AGAP1: variants seen among roughly 807,000 people sequenced by gnomAD.
AGAP1 encodes arf-GAP with GTPase, ANK repeat and PH domain-containing protein 1.
Under a neutral mutation model 105.3 loss-of-function variants are expected in AGAP1, and 29 were observed. The observed-to-expected ratio is 0.28, with a 90% confidence interval of 0.21 to 0.38. The LOEUF is 0.38. AGAP1 is among the 10% of genes least tolerant of loss of function. The pLI is 1.00. For synonymous variants in AGAP1, 509 were observed against 485.9 expected (o/e 1.05, Z -0.63); for missense variants, 998 against 1,165.1 (o/e 0.86, Z 2.09).
rs746334101 is a variant in AGAP1, at chr2:236,014,774, C to G, written c.1646-21787C>G. The G allele has an allele frequency of 4.8e-6, 2 of 413,786 alleles. No individual in the cohort carries two copies. The highest frequency in any genetic ancestry group is 9.7e-6 in the Non-Finnish European group (2 of 206,524). The allele number at this position is 413,786 out of a possible 1,614,324, so 25.6% of individuals were successfully genotyped here. ...TTTCCTTTTTGTTTTCTCTCTTTTT[C>G]CCCTCTCCCCTTTCTGCTCTCGGGA... On this transcript the variant is annotated intron_variant, in intron 13 of 17. Transcript: ENST00000304032. This position sits in a 1 kb window ranked among gnomAD's most constrained non-coding sequence, Gnocchi z 6.3.
At chr2:235,589,971 C>G (rs1197232370) in intron 1 of AGAP1, among the ~76,000 whole-genome samples, 1 of 151,998 alleles carries the variant, frequency 6.6e-6, no homozygotes, top group African/African-American at 2.4e-5. Context: ...GCCTCTGCCT[C>G]CCGGGTTCAA....
At position 235,625,466 on chromosome 2, in the gene AGAP1, A is replaced by G. The variant is rs1946608617; in HGVS notation, c.164-83713A>G. Among the ~76,000 whole-genome samples the G allele has an allele frequency of 6.6e-6, 1 of 152,110 alleles. No homozygotes were observed. The highest frequency in any genetic ancestry group is 2.1e-4 in the South Asian group (1 of 4,824). On this transcript the variant is annotated intron_variant, in intron 1 of 17. Transcript: ENST00000304032. This position sits in a 1 kb window ranked among gnomAD's most constrained non-coding sequence, Gnocchi z 4.0. The stretch of plus-strand genomic sequence containing the variant: ...AGAAAGGTGCCTTTCCTTTGGAGGG[A>G]TGGTGGGTTTCAATGGTTTGAAAGA...
intron 1 of AGAP1, among the ~76,000 whole-genome samples, chr2:235,534,456 C>T (rs1310705528): frequency 6.6e-6 from 1 of 152,042 alleles, no homozygotes; most frequent in South Asian, 2.1e-4. Context: ...ATGCAGTGCC[C>T]GAGGATGGGT....
intron 1 of AGAP1, among the ~76,000 whole-genome samples, chr2:235,702,440 C>T (rs1484681988): frequency 1.3e-5 from 2 of 152,188 alleles, no homozygotes; most frequent in Admixed American, 6.5e-5. Flanking sequence ...CAGGCTCCTG[C>T]AGCCTGGGAA....
chr2:235,669,467 A>T (rs1948245416), intron 1 of AGAP1: 2 of 153,172 alleles, frequency 1.3e-5, no homozygotes, highest in South Asian at 3.5e-4. Flanking sequence ...GCGTCGATCC[A>T]TCCCGGCGCT....
chr2:235,654,799 C>A (rs974868888), intron 1 of AGAP1, among the ~76,000 whole-genome samples: 1 of 152,134 alleles, frequency 6.6e-6, no homozygotes, highest in African/African-American at 2.4e-5. Flanking sequence ...CTAGTCTCTG[C>A]TTTATTTTCA....
At chr2:235,997,796 T>C (rs977254994) in intron 13 of AGAP1, among the ~76,000 whole-genome samples, 3 of 152,310 alleles carry the variant, frequency 2.0e-5, no homozygotes, top group Admixed American at 1.3e-4. Flanking sequence ...CTTAATTGTA[T>C]AGTAGCTCAG....
chr2:236,080,730 C>A lies in AGAP1; in HGVS notation c.2114+31449C>A, dbSNP rs1318343965. ...CAAGCTGGGTCTGCATGGTTTCATT[C>A]CTTCTAGAGGCTGTGAGAGAGTCCA... is the stretch of plus-strand genomic sequence containing the variant. On this transcript the variant is annotated intron_variant, in intron 16 of 17. Coordinates refer to ENST00000304032, the MANE Select transcript of AGAP1 (RefSeq NM_001037131.3). The surrounding 1 kb of genome is among the most constrained non-coding windows in gnomAD (Gnocchi z 4.2). Among the ~76,000 whole-genome samples, 1 of 152,132 alleles carries A rather than the reference C, an allele frequency of 6.6e-6. No individual in the cohort carries two copies. Among genetic ancestry groups the A allele is most frequent in the East Asian group, 1.9e-4 (1 of 5,192 alleles).
Position 235,559,282 on chromosome 2 carries a change from G to C in AGAP1, c.163+64433G>C, listed in dbSNP as rs893669387. On this transcript the variant is annotated intron_variant, in intron 1 of 17. Transcript: ENST00000304032. This position sits in a 1 kb window ranked among gnomAD's most constrained non-coding sequence, Gnocchi z 5.7. Reference sequence around the variant, plus strand: ...TAGTCTTTATAAAAATACGATGAAGGGGTGATTTGGGTGTCCCAAGACTGT... The same window carrying C: ...TAGTCTTTATAAAAATACGATGAAGCGGTGATTTGGGTGTCCCAAGACTGT... 1.3e-5 allele frequency among the ~76,000 whole-genome samples: 2 copies of C among 152,020 alleles called. No homozygotes were observed. Among genetic ancestry groups the C allele is most frequent in the Non-Finnish European group, 2.9e-5 (2 of 68,018 alleles).
At chr2:235,795,412 A>C (rs940907106) in intron 6 of AGAP1, among the ~76,000 whole-genome samples, 4 of 152,146 alleles carry the variant, frequency 2.6e-5, no homozygotes, top group Non-Finnish European at 5.9e-5. Context: ...AAGATGGGGG[A>C]GACATGGGCA....
Position 235,908,564 on chromosome 2 carries a change from A to C in AGAP1, c.1156-174A>C, listed in dbSNP as rs2051418029. Among the ~76,000 whole-genome samples the C allele has an allele frequency of 6.6e-6, 1 of 152,156 alleles. No homozygotes were observed. Among genetic ancestry groups the C allele is most frequent in the Non-Finnish European group, 1.5e-5 (1 of 68,030 alleles). On this transcript the variant is annotated intron_variant, in intron 10 of 17. Transcript: ENST00000304032. This position sits in a 1 kb window ranked among gnomAD's most constrained non-coding sequence, Gnocchi z 4.4. Reference sequence around the variant, plus strand: ...GAAGCAAAACTCTGATTTAAATATAATAATGATGTTACCAGTACTCTATAG... The same window carrying C: ...GAAGCAAAACTCTGATTTAAATATACTAATGATGTTACCAGTACTCTATAG...
rs1454457157 is a variant in AGAP1 at position 235,509,125 on chromosome 2, T to TA, written c.163+14277dup. The stretch of plus-strand genomic sequence containing the variant: ...AACTCATGTGATGTGAACGATTACT[T>TA]ATAGTTACCGTGAAAATTAATGGTG... On this transcript the variant is annotated intron_variant, in intron 1 of 17. Transcript: ENST00000304032. Among the ~76,000 whole-genome samples, 11 of 152,240 alleles carry TA rather than the reference T, an allele frequency of 7.2e-5. 1 individual carries two copies. Among genetic ancestry groups the TA allele is most frequent in the Admixed American group, 2.6e-4 (4 of 15,280 alleles).
At position 235,612,125 on chromosome 2, in the gene AGAP1, C is replaced by CT. The variant is rs1946147642; in HGVS notation, c.164-97051dup. On this transcript the variant is annotated intron_variant, in intron 1 of 17. Coordinates refer to ENST00000304032, the MANE Select transcript of AGAP1 (RefSeq NM_001037131.3). This position sits in a 1 kb window ranked among gnomAD's most constrained non-coding sequence, Gnocchi z 4.3. ...TCGTAATCTGAGTGCAATTTCAGGA[C>CT]TTTGTTTTCCAGATGGCTTATTGTT... Among the ~76,000 whole-genome samples, 1 of 152,194 alleles carries CT rather than the reference C, an allele frequency of 6.6e-6. No homozygotes were observed. The highest frequency in any genetic ancestry group is 2.1e-4 in the South Asian group (1 of 4,820).
intron 1 of AGAP1, among the ~76,000 whole-genome samples, chr2:235,632,615 C>T (rs986586553): frequency 2.6e-5 from 4 of 152,168 alleles, no homozygotes; most frequent in African/African-American, 9.7e-5. Context: ...GTCTTGGCAG[C>T]AATTGGGAAA....
At chr2:235,711,476 C>T (rs552641175) in intron 2 of AGAP1, among the ~76,000 whole-genome samples, 4 of 152,228 alleles carry the variant, frequency 2.6e-5, no homozygotes, top group Non-Finnish European at 5.9e-5. Flanking sequence ...GAGACAGTTG[C>T]GTTTGAGGCA....
intron 1 of AGAP1, among the ~76,000 whole-genome samples, chr2:235,542,945 C>T (rs1452462992): frequency 1.3e-5 from 2 of 152,154 alleles, no homozygotes; most frequent in Non-Finnish European, 2.9e-5. Context: ...TTTTGTCCTT[C>T]GTTTTCCTGA....
intron 9 of AGAP1, among the ~76,000 whole-genome samples, chr2:235,835,028 G>A (rs78836245): frequency 0.044 from 6,653 of 152,318 alleles, 461 homozygotes; most frequent in African/African-American, 0.15. Context: ...CTCGCTTAAA[G>A]TCTTGGCATC....
intron 1 of AGAP1, among the ~76,000 whole-genome samples, chr2:235,537,417 A>G (rs1405154697): frequency 6.6e-6 from 1 of 152,058 alleles, no homozygotes; most frequent in Non-Finnish European, 1.5e-5. Flanking sequence ...CCAGGCGGGG[A>G]GGCCAGGTGG....
At chr2:235,673,622 A>G (rs930950255) in intron 1 of AGAP1, among the ~76,000 whole-genome samples, 1 of 152,224 alleles carries the variant, frequency 6.6e-6, no homozygotes, top group Non-Finnish European at 1.5e-5. Flanking sequence ...GTAATTTGCC[A>G]GCCATTTATG....
Sources: gnomAD v4.1 joint callset for allele counts (sites outside exome capture counted in the v4.1 genomes callset) on GRCh38, gnomAD v4.1.1 for gene constraint, Gnocchi (gnomAD v3.1) non-coding constraint, MANE v1.5 for transcripts, NCBI Gene and HGNC (gene_info 2026-07-23, HGNC 2026-07-21) for gene names.